The following CDS2 variants were observed in gnomAD, a reference collection of about 807,000 sequenced individuals.
CDS2 encodes CDP-diacylglycerol synthase 2, also known as phosphatidate cytidylyltransferase 2.
In CDS2, 47 loss-of-function variants were observed where a neutral mutation model predicts 59.0. That is an observed-to-expected ratio of 0.80 (90% CI 0.63 to 1.02). The LOEUF (loss-of-function observed/expected upper bound fraction) is 1.02. Ranked by LOEUF, CDS2 falls within the 50% of genes least tolerant of loss-of-function variation. The probability of loss-of-function intolerance (pLI) is 0.00; values close to 1 mark genes in which losing one functional copy is unlikely to be tolerated. For synonymous variants in CDS2, 207 were observed against 206.4 expected, an observed-to-expected ratio of 1.00 and a Z score of -0.02; for missense variants, 356 against 558.9, an observed-to-expected ratio of 0.64 and a Z score of 3.66.
chr20:5,180,778 C>G (rs2091028202), intron 5 of CDS2, among the ~76,000 whole-genome samples: 1 of 152,080 alleles, frequency 6.6e-6, no homozygotes, highest in African/African-American at 2.4e-5. Context: ...TGACATTTCC[C>G]CCATCACTTT....
rs1256507844 is a variant in CDS2, at chr20:5,184,170, A to G, written c.672-688A>G. 2.8e-5 allele frequency among the ~76,000 whole-genome samples: 4 copies of G among 141,748 alleles called. No individual in the cohort carries two copies. In the East Asian group the frequency reaches 9.1e-4, roughly 32 times the overall value. The allele number at this position is 141,748 out of a possible 152,430, so 93.0% of individuals were successfully genotyped here. ...GACTCTGTCTCAAAAACAAAAACAGAAACAAACAAACAAACCTGTAATCAA... is the reference window on the plus strand; with the variant it reads ...GACTCTGTCTCAAAAACAAAAACAGGAACAAACAAACAAACCTGTAATCAA... On this transcript the variant is annotated intron_variant, in intron 7 of 12. Coordinates refer to ENST00000460006, the MANE Select transcript of CDS2 (RefSeq NM_003818.4). This position sits in a 1 kb window ranked among gnomAD's most constrained non-coding sequence, Gnocchi z 4.3.
chr20:5,135,456 G>GTCATGTTTGTGTA (rs1555780016), intron 1 of CDS2, among the ~76,000 whole-genome samples: 8 of 139,504 alleles, frequency 5.7e-5, no homozygotes, highest in African/African-American at 2.7e-4. Context: ...CTGTTTGTGT[G>GTCATGTTTGTGTA]TCATACTGCC....
intron 1 of CDS2, among the ~76,000 whole-genome samples, chr20:5,168,444 A>G (rs1016081951): frequency 2.0e-5 from 3 of 151,768 alleles, no homozygotes; most frequent in Non-Finnish European, 2.9e-5. Flanking sequence ...GAAAAGAAAA[A>G]AAAAAAAGAA....
At chr20:5,151,203 A>C (rs1188961583) in intron 1 of CDS2, among the ~76,000 whole-genome samples, 7 of 152,228 alleles carry the variant, frequency 4.6e-5, no homozygotes, top group Admixed American at 4.6e-4. Flanking sequence ...ACATTGACAT[A>C]TGATATACTT....
chr20:5,134,964 T>C (rs2090636932), intron 1 of CDS2, among the ~76,000 whole-genome samples: 1 of 152,222 alleles, frequency 6.6e-6, no homozygotes, highest in African/African-American at 2.4e-5. Flanking sequence ...GTCCTACTAA[T>C]GTAAAGCATT....
intron 1 of CDS2, among the ~76,000 whole-genome samples, chr20:5,136,326 C>T (rs1174000760): frequency 1.3e-5 from 2 of 152,194 alleles, no homozygotes; most frequent in African/African-American, 4.8e-5. Flanking sequence ...TCCCAGATGA[C>T]TCGGTTACTC....
chr20:5,190,264 A>G lies in CDS2; in HGVS notation c.*30A>G, dbSNP rs772908896. On this transcript the variant is annotated 3_prime_UTR_variant, in exon 13 of 13. Transcript: ENST00000460006. ...CACCCAGGGCCAGGAGAACAGGAACAGAACTGAGCAGGGGCAGGTCTCCAA... is the reference window on the plus strand; with the variant it reads ...CACCCAGGGCCAGGAGAACAGGAACGGAACTGAGCAGGGGCAGGTCTCCAA... 2 of 1,600,244 alleles carry G rather than the reference A, an allele frequency of 1.2e-6. No individual in the cohort carries two copies. The highest frequency in any genetic ancestry group is 2.2e-5 in the South Asian group (2 of 89,734).
rs180735151 is a variant in CDS2, at chr20:5,151,014, A to G, written c.58-22509A>G. On this transcript the variant is annotated intron_variant, in intron 1 of 12. Transcript: ENST00000460006. ...TCAGACCTGGCTGTTCCTAGCACGT[A>G]TGGTTGTCAGGAGGTTGAGTTGGTA... is the stretch of plus-strand genomic sequence containing the variant. Among the ~76,000 whole-genome samples the G allele has an allele frequency of 7.9e-5, 12 of 152,294 alleles. No homozygotes were observed. The East Asian group carries it at 2.3e-3, about 29-fold the overall frequency.
intron 1 of CDS2, among the ~76,000 whole-genome samples, chr20:5,173,254 C>G (rs2090969327): frequency 6.6e-6 from 1 of 152,254 alleles, no homozygotes; most frequent in South Asian, 2.1e-4. Flanking sequence ...CATGTTCTCT[C>G]TCTTTTGGAT....
intron 1 of CDS2, among the ~76,000 whole-genome samples, chr20:5,131,709 C>T (rs1383978081): frequency 1.3e-5 from 2 of 152,184 alleles, no homozygotes; most frequent in Non-Finnish European, 2.9e-5. Context: ...AGAGCAGGGG[C>T]TTGGGTCAGT....
At chr20:5,151,193 A>G (rs1409333127) in intron 1 of CDS2, among the ~76,000 whole-genome samples, 2 of 152,250 alleles carry the variant, frequency 1.3e-5, no homozygotes, top group African/African-American at 4.8e-5. Flanking sequence ...TGTTAATGCT[A>G]CATTGACATA....
At chr20:5,180,549 G>A (rs2091026619) in intron 5 of CDS2, among the ~76,000 whole-genome samples, 1 of 152,080 alleles carries the variant, frequency 6.6e-6, no homozygotes, top group Non-Finnish European at 1.5e-5. Flanking sequence ...GACAAGCAGA[G>A]GTCATTCTCA....
chr20:5,165,068 G>A (rs975963024), intron 1 of CDS2, among the ~76,000 whole-genome samples: 2 of 152,220 alleles, frequency 1.3e-5, no homozygotes, highest in Non-Finnish European at 2.9e-5. Flanking sequence ...TGGGTTTAAT[G>A]TATGAGACTG....
At chr20:5,149,916 T>G (rs1343208857) in intron 1 of CDS2, among the ~76,000 whole-genome samples, 3 of 152,034 alleles carry the variant, frequency 2.0e-5, no homozygotes, top group Non-Finnish European at 4.4e-5. Flanking sequence ...GGGTTTCTCA[T>G]GTTGGTCAGG....
chr20:5,142,685 G>C (rs918105338), intron 1 of CDS2, among the ~76,000 whole-genome samples: 2 of 151,906 alleles, frequency 1.3e-5, no homozygotes, highest in Non-Finnish European at 2.9e-5. Context: ...TTAAAATTAA[G>C]AACTTATGTT....
At position 5,184,696 on chromosome 20, in the gene CDS2, A is replaced by T. The variant is rs147647726; in HGVS notation, c.672-162A>T. Among the ~76,000 whole-genome samples, 2 of 152,324 alleles carry T rather than the reference A, an allele frequency of 1.3e-5. No homozygotes were observed. The highest frequency in any genetic ancestry group is 4.8e-5 in the African/African-American group (2 of 41,570). ...ATGTACTCTGTGCTAGGTACTAGGTATGACTTTTTTGGTATTTTTTATGTT... is the reference window on the plus strand; with the variant it reads ...ATGTACTCTGTGCTAGGTACTAGGTTTGACTTTTTTGGTATTTTTTATGTT... On this transcript the variant is annotated intron_variant, in intron 7 of 12. Transcript: ENST00000460006. The surrounding 1 kb of genome is among the most constrained non-coding windows in gnomAD (Gnocchi z 4.3).
chr20:5,181,589 A>G (rs1039005799), intron 5 of CDS2, among the ~76,000 whole-genome samples: 3 of 152,260 alleles, frequency 2.0e-5, no homozygotes, highest in Admixed American at 2.0e-4. Flanking sequence ...TTTGGGGACC[A>G]TAGGGTCTCT....
chr20:5,159,337 C>T (rs993373035), intron 1 of CDS2, among the ~76,000 whole-genome samples: 2 of 121,136 alleles, frequency 1.7e-5, no homozygotes, highest in Non-Finnish European at 3.3e-5. Flanking sequence ...CCCCCCACCC[C>T]ACAACAGGCC....
intron 5 of CDS2, 67 bp from the exon 6 acceptor site, chr20:5,182,320 C>A: frequency 1.4e-6 from 2 of 1,428,490 alleles, no homozygotes; most frequent in Non-Finnish European, 1.9e-6. Flanking sequence ...CTTAACATAG[C>A]TAAAGGAGGG....
Sources: gnomAD v4.1 joint callset for allele counts (sites outside exome capture counted in the v4.1 genomes callset) on GRCh38, gnomAD v4.1.1 for gene constraint, Gnocchi (gnomAD v3.1) non-coding constraint, MANE v1.5 for transcripts, NCBI Gene and HGNC (gene_info 2026-07-23, HGNC 2026-07-21) for gene names.